RABGAP1L: variants seen among roughly 807,000 people sequenced by gnomAD.
RABGAP1L encodes the protein rab GTPase-activating protein 1-like.
Under a neutral mutation model 137.7 loss-of-function variants are expected in RABGAP1L, and 63 were observed. The ratio of observed to expected loss-of-function variants is 0.46; its 90% CI spans 0.37 to 0.56. The LOEUF (loss-of-function observed/expected upper bound fraction) is 0.56, where lower values mean the gene tolerates loss of function less well. Ranked by LOEUF, RABGAP1L falls within the 20% of genes least tolerant of loss-of-function variation. The probability of loss-of-function intolerance (pLI) is 0.00; values close to 1 mark genes in which losing one functional copy is unlikely to be tolerated. For missense variants in RABGAP1L, 1,095 were observed against 1,244.0 expected, an observed-to-expected ratio of 0.88 and a Z score of 1.80; for synonymous variants, 431 against 433.7, an observed-to-expected ratio of 0.99 and a Z score of 0.08.
intron 13 of RABGAP1L, among the ~76,000 whole-genome samples, chr1:174,438,831 A>G (rs984246762): frequency 6.8e-6 from 1 of 146,676 alleles, no homozygotes; most frequent in African/African-American, 2.5e-5. Flanking sequence ...TAGAGGTTTT[A>G]TACATTTTCA....
chr1:174,403,210 T>A (rs188603563), intron 13 of RABGAP1L, among the ~76,000 whole-genome samples: 1,016 of 77,560 alleles, frequency 0.013, 7 homozygotes, highest in Middle Eastern at 0.026. Context: ...TATATGAGAG[T>A]GTGTGTGTGT....
chr1:174,978,944 A>AT, intron 23 of RABGAP1L, 54 bp downstream of exon 23: 1 of 1,440,092 alleles, frequency 6.9e-7, no homozygotes, highest in East Asian at 2.8e-5. Flanking sequence ...CTATAAAAGT[A>AT]ATTTTTTTTT....
chr1:174,648,667 G>A (rs1675192444), intron 14 of RABGAP1L, among the ~76,000 whole-genome samples: 1 of 152,130 alleles, frequency 6.6e-6, no homozygotes, highest in African/African-American at 2.4e-5. Context: ...TCAGAAAAAT[G>A]TATATTCTGT....
rs1205436791 is a variant in RABGAP1L, at chr1:174,697,066, TC to T, written c.1900-2455del. Among the ~76,000 whole-genome samples, 4 of 152,282 alleles carry T rather than the reference TC, an allele frequency of 2.6e-5. No homozygotes were observed. In the East Asian group the frequency reaches 7.7e-4, roughly 29 times the overall value. On this transcript the variant is annotated intron_variant, in intron 15 of 25. Coordinates refer to ENST00000681986, the MANE Select transcript of RABGAP1L (RefSeq NM_001366446.1). ...TCAAGTAGAGTTGCCTGTTTACTCTTCCCCTAGGGAGGCACTATACCTTTAT... is the reference window on the plus strand; with the variant it reads ...TCAAGTAGAGTTGCCTGTTTACTCTTCCCTAGGGAGGCACTATACCTTTAT...
chr1:174,948,193 A>G (rs969196159), intron 19 of RABGAP1L, among the ~76,000 whole-genome samples: 4 of 152,170 alleles, frequency 2.6e-5, no homozygotes, highest in Admixed American at 6.5e-5. Context: ...ACTATAGTCA[A>G]TAATAATTAA....
At chr1:174,465,248 G>A (rs1419654982) in intron 13 of RABGAP1L, among the ~76,000 whole-genome samples, 1 of 152,156 alleles carries the variant, frequency 6.6e-6, no homozygotes, top group Non-Finnish European at 1.5e-5. Context: ...CACCCAGGCT[G>A]GAGTGCAATG....
At chr1:174,437,714 G>T (rs1001394476) in intron 13 of RABGAP1L, among the ~76,000 whole-genome samples, 1 of 152,072 alleles carries the variant, frequency 6.6e-6, no homozygotes, top group Non-Finnish European at 1.5e-5. Context: ...AGGAAATACA[G>T]AGAAAACCAC....
chr1:174,682,271 A>ACTCT (rs148219630), intron 14 of RABGAP1L, among the ~76,000 whole-genome samples: 2,304 of 140,724 alleles, frequency 0.016, 52 homozygotes, highest in African/African-American at 0.055. Context: ...ACAAAGCAAA[A>ACTCT]CTCTCTCTCT....
intron 1 of RABGAP1L, among the ~76,000 whole-genome samples, chr1:174,217,594 A>G (rs887884542): frequency 2.0e-5 from 3 of 152,186 alleles, no homozygotes; most frequent in Non-Finnish European, 4.4e-5. Context: ...TGGAAGAGTA[A>G]AGACCTGGCT....
intron 10 of RABGAP1L, among the ~76,000 whole-genome samples, chr1:174,291,242 T>C (rs1301578495): frequency 6.6e-6 from 1 of 150,702 alleles, no homozygotes; most frequent in Non-Finnish European, 1.5e-5. Context: ...CCCCTTTTTT[T>C]CTTATCAATA....
At chr1:174,510,211 T>C (rs953225011) in intron 13 of RABGAP1L, among the ~76,000 whole-genome samples, 10 of 152,144 alleles carry the variant, frequency 6.6e-5, no homozygotes, top group Non-Finnish European at 1.5e-4. Context: ...TCTAGAAAAA[T>C]GGAATGGATT....
At chr1:174,732,645 G>C (rs460878) in intron 17 of RABGAP1L, among the ~76,000 whole-genome samples, 56,670 of 151,888 alleles carry the variant, frequency 0.37, 13,921 homozygotes, top group African/African-American at 0.7. Flanking sequence ...TTTTAGGATA[G>C]TACAAAGGAA....
chr1:174,775,063 T>C (rs1262300841), intron 18 of RABGAP1L, among the ~76,000 whole-genome samples: 2 of 152,154 alleles, frequency 1.3e-5, no homozygotes, highest in Non-Finnish European at 2.9e-5. Flanking sequence ...GTTGTCCTCA[T>C]GTACATGGTT....
At chr1:174,833,468 A>AT (rs1279866308) in intron 19 of RABGAP1L, among the ~76,000 whole-genome samples, 1 of 107,342 alleles carries the variant, frequency 9.3e-6, no homozygotes, top group Non-Finnish European at 2.1e-5. Context: ...ATATATATAT[A>AT]GTAGAGACAG....
At chr1:174,528,004 T>C (rs1664059657) in intron 13 of RABGAP1L, among the ~76,000 whole-genome samples, 1 of 152,124 alleles carries the variant, frequency 6.6e-6, no homozygotes, top group South Asian at 2.1e-4. Flanking sequence ...AGTAGACTTT[T>C]TCCATTCCCT....
intron 13 of RABGAP1L, among the ~76,000 whole-genome samples, chr1:174,478,319 A>G (rs1658725010): frequency 6.6e-6 from 1 of 151,842 alleles, no homozygotes. Flanking sequence ...TGCCCAGGCT[A>G]GAGTGCAGTA....
intron 1 of RABGAP1L, among the ~76,000 whole-genome samples, chr1:174,199,020 G>A (rs1258515455): frequency 6.6e-6 from 1 of 152,108 alleles, no homozygotes; most frequent in East Asian, 1.9e-4. Flanking sequence ...AGGCAGTAGA[G>A]TCGCTTGAAC....
At chr1:174,324,041 T>A (rs1680236779) in intron 11 of RABGAP1L, among the ~76,000 whole-genome samples, 3 of 152,134 alleles carry the variant, frequency 2.0e-5, no homozygotes, top group Non-Finnish European at 4.4e-5. Flanking sequence ...CCCACAGTTT[T>A]GGCGTGTTAT....
intron 11 of RABGAP1L, among the ~76,000 whole-genome samples, chr1:174,353,820 A>G (rs1344591910): frequency 1.3e-5 from 2 of 152,174 alleles, no homozygotes; most frequent in Admixed American, 6.5e-5. Flanking sequence ...AGGCAGTTCA[A>G]GACCATCTTT....
Sources: allele counts gnomAD v4.1 joint callset (sites outside exome capture counted in the v4.1 genomes callset), GRCh38; gene constraint gnomAD v4.1.1; transcripts MANE v1.5; gene names NCBI Gene and HGNC (gene_info 2026-07-23, HGNC 2026-07-21).